Variants in FBXL17 observed in about 807,000 individuals in gnomAD.
The protein encoded by FBXL17 is F-box and leucine rich repeat protein 17, also known as F-box/LRR-repeat protein 17.
FBXL17 carries 22 observed loss-of-function variants against 66.2 expected under a neutral mutation model. The ratio of observed to expected loss-of-function variants is 0.33; its 90% confidence interval spans 0.24 to 0.47. FBXL17 has a LOEUF of 0.47. Ranked by LOEUF, FBXL17 falls within the 20% of genes least tolerant of loss-of-function variation. The pLI, the probability that FBXL17 is intolerant of heterozygous loss-of-function variation, is 1.00. For synonymous variants in FBXL17, 474 were observed against 400.5 expected (o/e 1.18, Z -2.19); for missense variants, 878 against 948.2 (o/e 0.93, Z 0.97).
intron 6 of FBXL17, among the ~76,000 whole-genome samples, chr5:108,085,672 T>C (rs930369866): frequency 1.3e-5 from 2 of 152,126 alleles, no homozygotes; most frequent in East Asian, 3.9e-4. Flanking sequence ...TGGTGGCTCA[T>C]GCCTGTAATC....
chr5:108,113,493 A>G (rs1375278471), intron 6 of FBXL17, among the ~76,000 whole-genome samples: 1 of 152,156 alleles, frequency 6.6e-6, no homozygotes, highest in African/African-American at 2.4e-5. Flanking sequence ...GGAAGGAAAT[A>G]TGAATGGGGG....
At chr5:107,982,386 A>G (rs1158765461) in intron 7 of FBXL17, among the ~76,000 whole-genome samples, 1 of 152,168 alleles carries the variant, frequency 6.6e-6, no homozygotes, top group Non-Finnish European at 1.5e-5. Flanking sequence ...AAATCCTTCA[A>G]TATTCAGTAA....
At chr5:108,278,854 G>A (rs1757590435) in intron 4 of FBXL17, among the ~76,000 whole-genome samples, 1 of 152,190 alleles carries the variant, frequency 6.6e-6, no homozygotes, top group Admixed American at 6.5e-5. Flanking sequence ...GGTCCTGAGT[G>A]CAAGCTTGAC....
In FBXL17 at chr5:108,380,743, CG is replaced by C. The variant is rs1312925213; in HGVS notation, c.948del (p.Glu317LysfsTer41). 3 of 1,249,894 alleles carry C rather than the reference CG, an allele frequency of 2.4e-6. No homozygotes were observed. Among genetic ancestry groups the C allele is most frequent in the Non-Finnish European group, 3.0e-6 (3 of 989,550 alleles). The allele number at this position is 1,249,894 out of a possible 1,614,324, so 77.4% of individuals were successfully genotyped here. ...GGCAGCTGGTTGATGTCTGGGGTTT[CG>C]GGGGGCGGCTCCCTGTGACAGTCGC... is the stretch of plus-strand genomic sequence containing the variant. ...NPCDCHREPP[P>X]ETPDINQLPP... is the part of the protein sequence containing the mutation. On this transcript the variant is annotated frameshift_variant, in exon 1 of 9. Transcript: ENST00000542267. LOFTEE classifies it high-confidence loss of function.
intron 6 of FBXL17, among the ~76,000 whole-genome samples, chr5:108,166,470 T>C (rs1394756229): frequency 6.6e-6 from 1 of 151,786 alleles, no homozygotes; most frequent in Non-Finnish European, 1.5e-5. Flanking sequence ...TGTGTTATAG[T>C]CTTTTTAAAA....
chr5:108,281,787 C>T (rs1323277997), intron 4 of FBXL17, among the ~76,000 whole-genome samples: 1 of 151,564 alleles, frequency 6.6e-6, no homozygotes, highest in African/African-American at 2.4e-5. Context: ...AATAGCTACA[C>T]AGACTATTCA....
chr5:107,901,327 A>G (rs1390467550), intron 7 of FBXL17, among the ~76,000 whole-genome samples: 1 of 152,214 alleles, frequency 6.6e-6, no homozygotes, highest in Admixed American at 6.5e-5. Context: ...CAGCTTATAC[A>G]CCAAAGGTTT....
intron 7 of FBXL17, among the ~76,000 whole-genome samples, chr5:107,882,489 C>T (rs1748825333): frequency 1.3e-5 from 2 of 152,000 alleles, no homozygotes; most frequent in Admixed American, 1.3e-4. Context: ...AATAGAGAGA[C>T]AATTTTTTTA....
At chr5:108,164,232 C>T (rs1752327352) in intron 6 of FBXL17, among the ~76,000 whole-genome samples, 1 of 152,178 alleles carries the variant, frequency 6.6e-6, no homozygotes, top group South Asian at 2.1e-4. Context: ...TTAAGCCATA[C>T]ACGAACCAGG....
intron 6 of FBXL17, among the ~76,000 whole-genome samples, chr5:108,030,695 T>C (rs1371034854): frequency 1.3e-5 from 2 of 152,080 alleles, no homozygotes; most frequent in African/African-American, 2.4e-5. Flanking sequence ...CCCAACTAAA[T>C]AAAGGCATAA....
At chr5:108,080,051 C>T (rs1748703553) in intron 6 of FBXL17, among the ~76,000 whole-genome samples, 1 of 152,154 alleles carries the variant, frequency 6.6e-6, no homozygotes, top group Non-Finnish European at 1.5e-5. Flanking sequence ...GGATTGAACA[C>T]CACCACCTAC....
Position 108,367,890 on chromosome 5 carries a change from G to A in FBXL17, c.1057C>T (p.Arg353Cys), listed in dbSNP as rs746792694. 5.2e-5 allele frequency: 80 copies of A among 1,550,652 alleles called. No individual in the cohort carries two copies. Among genetic ancestry groups the A allele is most frequent in the Non-Finnish European group, 2.5e-5 (29 of 1,146,316 alleles). The change falls in exon 2 of 9, where the codon CGT (arginine) becomes TGT (cysteine). Residue 353 changes from arginine (R) to cysteine (C), a missense_variant. Transcript: ENST00000542267. ...LSASLVCKYW[R>C]DLCLDFQFWK... The stretch of plus-strand genomic sequence containing the variant: ...AACTGGAAGTCTAAACAAAGGTCAC[G>A]CCAGTACTTGCAAACCAATGATGCG...
At chr5:108,322,221 T>C (rs1759651915) in intron 4 of FBXL17, among the ~76,000 whole-genome samples, 1 of 151,902 alleles carries the variant, frequency 6.6e-6, no homozygotes, top group Non-Finnish European at 1.5e-5. Flanking sequence ...TACACCTAAA[T>C]TTGTACAGTA....
chr5:108,026,637 C>T (rs1289309765), intron 6 of FBXL17, among the ~76,000 whole-genome samples: 1 of 152,194 alleles, frequency 6.6e-6, no homozygotes, highest in Admixed American at 6.6e-5. Context: ...TGCAAAATAT[C>T]ACCAACTCCA....
At chr5:108,097,229 C>A (rs1749403097) in intron 6 of FBXL17, among the ~76,000 whole-genome samples, 1 of 152,202 alleles carries the variant, frequency 6.6e-6, no homozygotes, top group Admixed American at 6.5e-5. Context: ...GCCTGCTTCA[C>A]CCTCCCCACG....
At chr5:108,311,883 G>A (rs1000714323) in intron 4 of FBXL17, among the ~76,000 whole-genome samples, 2 of 152,132 alleles carry the variant, frequency 1.3e-5, no homozygotes, top group African/African-American at 2.4e-5. Flanking sequence ...TGCTGCAAGC[G>A]TTCTAGGTAC....
At chr5:108,229,136 C>G (rs1490441233) in intron 4 of FBXL17, among the ~76,000 whole-genome samples, 1 of 152,058 alleles carries the variant, frequency 6.6e-6, no homozygotes, top group African/African-American at 2.4e-5. Flanking sequence ...CATCTATGAG[C>G]ATGGGATGTG....
intron 4 of FBXL17, among the ~76,000 whole-genome samples, chr5:108,310,918 G>C (rs1261130325): frequency 1.3e-5 from 2 of 152,128 alleles, no homozygotes; most frequent in Non-Finnish European, 2.9e-5. Flanking sequence ...TGCCAGTTGA[G>C]ATTTAATCTC....
At position 108,213,569 on chromosome 5, in the gene FBXL17, G is replaced by C. The variant is rs137860545; in HGVS notation, c.1614+10552C>G. Among the ~76,000 whole-genome samples, 299 of 152,214 alleles carry C rather than the reference G, an allele frequency of 2.0e-3. 1 individual carries two copies. The highest frequency in any genetic ancestry group is 7.0e-3 in the African/African-American group (290 of 41,540). Reference sequence around the variant, plus strand: ...ATTCCCCAATCCCTTGCGCTTCCTGGGTGAGGCAATGCCCCACCCTGCTTC... The same window carrying C: ...ATTCCCCAATCCCTTGCGCTTCCTGCGTGAGGCAATGCCCCACCCTGCTTC... On this transcript the variant is annotated intron_variant, in intron 5 of 8. Transcript: ENST00000542267.
Sources: allele counts gnomAD v4.1 joint callset (sites outside exome capture counted in the v4.1 genomes callset), GRCh38; gene constraint gnomAD v4.1.1; transcripts MANE v1.5; gene names NCBI Gene and HGNC (gene_info 2026-07-23, HGNC 2026-07-21).